Variants in NELL2 observed in about 807,000 individuals in gnomAD.
The protein encoded by NELL2 is protein kinase C-binding protein NELL2.
NELL2 carries 41 observed loss-of-function variants against 109.6 expected under a neutral mutation model. The observed-to-expected ratio is 0.37, with a 90% CI of 0.29 to 0.49. The LOEUF is 0.49. Among genes scored for constraint, NELL2 ranks in the 20% least tolerant of loss-of-function variants. The probability of loss-of-function intolerance (pLI) is 0.98; values close to 1 mark genes in which losing one functional copy is unlikely to be tolerated. For synonymous variants in NELL2, 355 were observed against 344.7 expected (o/e 1.03, Z -0.33); for missense variants, 900 against 1,008.3 (o/e 0.89, Z 1.45).
intron 1 of NELL2, among the ~76,000 whole-genome samples, chr12:44,891,087 G>A (rs1175332131): frequency 6.6e-6 from 1 of 152,132 alleles, no homozygotes; most frequent in Admixed American, 6.6e-5. Flanking sequence ...CTCTATCGCT[G>A]CCCCTCCAGG....
chr12:44,899,552 C>T (rs10880701), intron 1 of NELL2, among the ~76,000 whole-genome samples: 50,500 of 151,946 alleles, frequency 0.33, 8,849 homozygotes, highest in South Asian at 0.57. Flanking sequence ...CCTTTATAGA[C>T]AAGCAAATGC....
Position 44,720,603 on chromosome 12 carries a change from C to A in NELL2, c.995-5862G>T, listed in dbSNP as rs556449620. On this transcript the variant is annotated intron_variant, in intron 9 of 19. Transcript: ENST00000429094. ...TTAGCATGCTCAAAGAAAGTCTGCT[C>A]GGACAATGTAATGACAAAACTTTCT... Among the ~76,000 whole-genome samples, 41 of 152,290 alleles carry A rather than the reference C, an allele frequency of 2.7e-4. No individual in the cohort carries two copies. The Middle Eastern group carries it at 0.01, about 38-fold the overall frequency.
chr12:44,764,538 C>T (rs915105458), intron 9 of NELL2, among the ~76,000 whole-genome samples: 2 of 152,148 alleles, frequency 1.3e-5, no homozygotes, highest in East Asian at 3.9e-4. Context: ...TCCTTGATGT[C>T]TCCAGAACAT....
intron 2 of NELL2, among the ~76,000 whole-genome samples, chr12:44,825,627 C>T (rs1943687708): frequency 1.3e-5 from 2 of 150,530 alleles, no homozygotes; most frequent in Non-Finnish European, 3.0e-5. Flanking sequence ...ATCTCTTGAC[C>T]TCAGGTGATC....
intron 1 of NELL2, among the ~76,000 whole-genome samples, chr12:44,890,201 TAAAG>T (rs1359735335): frequency 6.6e-6 from 1 of 152,076 alleles, no homozygotes; most frequent in Non-Finnish European, 1.5e-5. Context: ...AATGCAAACA[TAAAG>T]AAAGAGCTGC....
At chr12:44,755,709 G>T (rs555783293) in intron 9 of NELL2, among the ~76,000 whole-genome samples, 1 of 152,096 alleles carries the variant, frequency 6.6e-6, no homozygotes, top group Non-Finnish European at 1.5e-5. Context: ...AGTGCTTCCT[G>T]TTCCATATGA....
intron 9 of NELL2, among the ~76,000 whole-genome samples, chr12:44,751,678 A>C (rs1010849376): frequency 2.0e-5 from 3 of 152,174 alleles, no homozygotes; most frequent in Non-Finnish European, 4.4e-5. Context: ...TGAAACTTAT[A>C]TATGTTGTTA....
chr12:44,628,648 T>C (rs1450169216), intron 13 of NELL2, among the ~76,000 whole-genome samples: 2 of 152,182 alleles, frequency 1.3e-5, no homozygotes, highest in African/African-American at 2.4e-5. Context: ...ATACCCTAAG[T>C]AGGTCCCAAT....
At chr12:44,747,982 A>G (rs369399287) in intron 9 of NELL2, among the ~76,000 whole-genome samples, 1 of 152,178 alleles carries the variant, frequency 6.6e-6, no homozygotes, top group Non-Finnish European at 1.5e-5. Context: ...GTGGTCTTGC[A>G]TCAGAGTCCA....
At chr12:44,605,860 A>C (rs1309486938) in intron 15 of NELL2, among the ~76,000 whole-genome samples, 1 of 152,142 alleles carries the variant, frequency 6.6e-6, no homozygotes, top group East Asian at 1.9e-4. Context: ...GTGTAGGGGC[A>C]AACTGGTGGA....
At chr12:44,853,487 GGATAT>G (rs1385815319) in intron 2 of NELL2, among the ~76,000 whole-genome samples, 1 of 151,870 alleles carries the variant, frequency 6.6e-6, no homozygotes, top group Non-Finnish European at 1.5e-5. Flanking sequence ...CCTTTATTTG[GGATAT>G]GATATTTCTT....
intron 3 of NELL2, among the ~76,000 whole-genome samples, chr12:44,785,791 T>C (rs575741026): frequency 6.6e-6 from 1 of 152,270 alleles, no homozygotes; most frequent in Non-Finnish European, 1.5e-5. Flanking sequence ...GGATTCCCTA[T>C]TTAATAAATG....
chr12:44,574,224 C>T lies in NELL2; in HGVS notation c.1663+32945G>A, dbSNP rs565180549. On this transcript the variant is annotated intron_variant, in intron 15 of 19. Transcript: ENST00000429094. ...GGTTTAAGTGAACCTGCCTCAGTCT[C>T]CCGAGTAGCTGGGATTACAGGCGTG... 3.0e-4 allele frequency among the ~76,000 whole-genome samples: 46 copies of T among 152,196 alleles called. 1 individual carries two copies. The highest frequency in any genetic ancestry group is 1.1e-3 in the African/African-American group (44 of 41,534).
intron 9 of NELL2, among the ~76,000 whole-genome samples, chr12:44,768,930 G>A (rs1383739841): frequency 2.0e-5 from 3 of 151,914 alleles, no homozygotes; most frequent in Admixed American, 6.6e-5. Context: ...TATGTTTACT[G>A]GTTACTTTGT....
At chr12:44,890,311 GCTAAGTACAGGA>G (rs1396625146) in intron 1 of NELL2, among the ~76,000 whole-genome samples, 2 of 152,240 alleles carry the variant, frequency 1.3e-5, no homozygotes, top group East Asian at 3.9e-4. Flanking sequence ...TATTCACAGC[GCTAAGTACAGGA>G]CTTGCCGGGA....
chr12:44,544,895 A>G (rs2061468492), intron 15 of NELL2, among the ~76,000 whole-genome samples: 1 of 152,072 alleles, frequency 6.6e-6, no homozygotes, highest in African/African-American at 2.4e-5. Flanking sequence ...TGAAAGTACT[A>G]AAGTTGAGAT....
At chr12:44,846,490 A>T (rs182209336) in intron 2 of NELL2, among the ~76,000 whole-genome samples, 96 of 152,282 alleles carry the variant, frequency 6.3e-4, no homozygotes, top group Non-Finnish European at 6.2e-4. Flanking sequence ...GCTCCTCTGG[A>T]ACCATTATCA....
intron 2 of NELL2, 169 bp downstream of exon 2, chr12:44,875,047 GGGGAGAAAA>G: frequency 1.3e-6 from 1 of 750,586 alleles, no homozygotes; most frequent in South Asian, 2.1e-5. Flanking sequence ...GGGTGAGGCA[GGGGAGAAAA>G]AACCACTTAA....
chr12:44,917,795 G>T (rs1038813406), upstream of NELL2, among the ~76,000 whole-genome samples: 1 of 152,144 alleles, frequency 6.6e-6, no homozygotes, highest in African/African-American at 2.4e-5. Flanking sequence ...GAAGTAAGGG[G>T]TCATGTTACA....
Sources: allele counts gnomAD v4.1 joint callset (sites outside exome capture counted in the v4.1 genomes callset), GRCh38; gene constraint gnomAD v4.1.1; transcripts MANE v1.5; gene names NCBI Gene and HGNC (gene_info 2026-07-23, HGNC 2026-07-21).